Variants in ROBO1 observed in about 807,000 individuals in gnomAD.
ROBO1 encodes the protein roundabout guidance receptor 1.
ROBO1 carries 149 observed loss-of-function variants against 195.9 expected under a neutral mutation model. The ratio of observed to expected loss-of-function variants is 0.76; its 90% confidence interval spans 0.67 to 0.87. The LOEUF (loss-of-function observed/expected upper bound fraction) is 0.87. ROBO1 is among the 40% of genes least tolerant of loss of function. The probability of loss-of-function intolerance (pLI) is 0.00; values close to 1 mark genes in which losing one functional copy is unlikely to be tolerated. For synonymous variants in ROBO1, 816 were observed against 733.2 expected, an observed-to-expected ratio of 1.11 and a Z score of -1.82; for missense variants, 1,933 against 2,068.3, an observed-to-expected ratio of 0.93 and a Z score of 1.27.
intron 3 of ROBO1, among the ~76,000 whole-genome samples, chr3:79,051,989 T>G (rs962581503): frequency 6.6e-6 from 1 of 152,072 alleles, no homozygotes; most frequent in Non-Finnish European, 1.5e-5. Context: ...GTAAAACATA[T>G]GTGTTTGAAC....
rs148030282 is a variant in ROBO1 at position 79,572,252 on chromosome 3, GAATA to G, written c.88+17568_88+17571del. Among the ~76,000 whole-genome samples, 993 of 151,992 alleles carry G rather than the reference GAATA, an allele frequency of 6.5e-3. 4 individuals carry two copies. Among genetic ancestry groups the G allele is most frequent in the African/African-American group, 0.012 (510 of 41,520 alleles). Reference sequence around the variant, plus strand: ...ATATATACATTTGATACCTCAAAGAGAATAAATATTCAAAATTCAATGAAAACTA... The same window carrying G: ...ATATATACATTTGATACCTCAAAGAGAATATTCAAAATTCAATGAAAACTA... On this transcript the variant is annotated intron_variant, in intron 2 of 30. Coordinates refer to ENST00000464233, the MANE Select transcript of ROBO1 (RefSeq NM_002941.4).
intron 2 of ROBO1, among the ~76,000 whole-genome samples, chr3:79,288,447 C>T (rs1337334790): frequency 1.3e-5 from 2 of 152,154 alleles, no homozygotes; most frequent in African/African-American, 2.4e-5. Flanking sequence ...ATTCAGCATT[C>T]ATGCTTCAGA....
chr3:79,153,613 GAAA>G (rs1395278752), intron 2 of ROBO1, among the ~76,000 whole-genome samples: 3 of 151,148 alleles, frequency 2.0e-5, no homozygotes, highest in Non-Finnish European at 4.4e-5. Flanking sequence ...AATAGCAAAA[GAAA>G]TAATAATCTG....
intron 1 of ROBO1, among the ~76,000 whole-genome samples, chr3:79,673,530 G>A (rs771647325): frequency 3.3e-5 from 5 of 151,942 alleles, no homozygotes; most frequent in Non-Finnish European, 5.9e-5. Flanking sequence ...CCTGCCATAG[G>A]CACTATCTCT....
rs1268915946 is a variant in ROBO1 at position 79,575,227 on chromosome 3, AAT to A, written c.88+14595_88+14596del. Reference sequence around the variant, plus strand: ...ATATAACAGATATATATATATAACAAATATATATAAATATATATAACAAATAT... The same window carrying A: ...ATATAACAGATATATATATATAACAAATATATAAATATATATAACAAATAT... On this transcript the variant is annotated intron_variant, in intron 2 of 30. Coordinates refer to ENST00000464233, the MANE Select transcript of ROBO1 (RefSeq NM_002941.4). Among the ~76,000 whole-genome samples the A allele has an allele frequency of 5.9e-5, 7 of 119,152 alleles. 1 individual carries two copies. The East Asian group carries it at 1.5e-3, about 26-fold the overall frequency. 78.2% of individuals were successfully genotyped at this position (119,152 alleles called of 152,430 possible). A position where few individuals can be genotyped will look rare whatever the true frequency, so the allele number is the denominator to read the frequency against.
At chr3:78,946,986 A>C (rs2040481561) in intron 3 of ROBO1, among the ~76,000 whole-genome samples, 1 of 152,200 alleles carries the variant, frequency 6.6e-6, no homozygotes, top group African/African-American at 2.4e-5. Context: ...TCTTAAATAT[A>C]TATGCACCCA....
At chr3:79,058,026 G>A (rs1481745478) in intron 3 of ROBO1, among the ~76,000 whole-genome samples, 2 of 151,916 alleles carry the variant, frequency 1.3e-5, no homozygotes, top group Non-Finnish European at 2.9e-5. Flanking sequence ...CAGAGGAACC[G>A]GGACATTTGG....
intron 2 of ROBO1, among the ~76,000 whole-genome samples, chr3:79,266,681 T>C (rs962254271): frequency 6.6e-6 from 1 of 151,480 alleles, no homozygotes; most frequent in African/African-American, 2.4e-5. Context: ...AAACCCTGAG[T>C]AGGTCTATTT....
At chr3:79,694,826 A>G (rs1947395725) in intron 1 of ROBO1, among the ~76,000 whole-genome samples, 1 of 151,740 alleles carries the variant, frequency 6.6e-6, no homozygotes, top group African/African-American at 2.4e-5. Context: ...AATACAAAAA[A>G]TGCAAAATTC....
chr3:78,611,447 T>C, intron 28 of ROBO1, among the ~76,000 whole-genome samples: 1 of 152,212 alleles, frequency 6.6e-6, no homozygotes, highest in East Asian at 1.9e-4. Flanking sequence ...CTAATAAATA[T>C]TCATATATCC....
chr3:79,528,707 G>T (rs770646899), intron 2 of ROBO1, among the ~76,000 whole-genome samples: 7 of 152,174 alleles, frequency 4.6e-5, no homozygotes, highest in Non-Finnish European at 8.8e-5. Flanking sequence ...GGCTTAAAAT[G>T]ATTCTCATTC....
chr3:79,297,303 C>G (rs531202117), intron 2 of ROBO1, among the ~76,000 whole-genome samples: 31 of 152,262 alleles, frequency 2.0e-4, no homozygotes, highest in African/African-American at 7.0e-4. Flanking sequence ...TGTCAACCCA[C>G]TATAGAGTAC....
chr3:79,170,999 T>C (rs1235840624), intron 2 of ROBO1, among the ~76,000 whole-genome samples: 2 of 151,944 alleles, frequency 1.3e-5, no homozygotes, highest in Non-Finnish European at 2.9e-5. Context: ...AAGAGCCAAC[T>C]GATAGATTTT....
chr3:78,711,398 C>CCTTTCTTTCTTTCTTTCTTTCTTT (rs1235633066), intron 8 of ROBO1, among the ~76,000 whole-genome samples: 3 of 39,888 alleles, frequency 7.5e-5, no homozygotes, highest in African/African-American at 2.1e-4. Flanking sequence ...TTCCTTCCTT[C>CCTTTCTTTCTTTCTTTCTTTCTTT]CTTTCTTTCT....
chr3:79,625,021 A>G (rs1265869274), intron 1 of ROBO1, among the ~76,000 whole-genome samples: 2 of 152,188 alleles, frequency 1.3e-5, no homozygotes, highest in Non-Finnish European at 1.5e-5. Context: ...AGTGCAATCA[A>G]GTTAGAACTC....
Position 79,715,480 on chromosome 3 carries a change from A to C in ROBO1, c.-51+52272T>G, listed in dbSNP as rs1008075365. Among the ~76,000 whole-genome samples the C allele has an allele frequency of 5.9e-5, 9 of 152,130 alleles. No individual in the cohort carries two copies. In the East Asian group the frequency reaches 1.7e-3, roughly 29 times the overall value. On this transcript the variant is annotated intron_variant, in intron 1 of 30. Transcript: ENST00000464233. ...AATGAAGGGTCAGCATTTTTTAGCAAGAAAGTACTTTAAATTAACATATGT... is the reference window on the plus strand; with the variant it reads ...AATGAAGGGTCAGCATTTTTTAGCACGAAAGTACTTTAAATTAACATATGT...
chr3:79,561,351 T>C (rs1942913491), intron 2 of ROBO1, among the ~76,000 whole-genome samples: 2 of 152,146 alleles, frequency 1.3e-5, no homozygotes, highest in Admixed American at 6.6e-5. Context: ...ACAATAAAAG[T>C]AGTCAAACCT....
chr3:79,525,644 C>T (rs1303942269), intron 2 of ROBO1, among the ~76,000 whole-genome samples: 38 of 142,874 alleles, frequency 2.7e-4, no homozygotes, highest in African/African-American at 8.6e-4. Flanking sequence ...CTCGCTCTGT[C>T]GCCCAGGCTG....
chr3:78,789,624 T>C (rs866247114), intron 4 of ROBO1, among the ~76,000 whole-genome samples: 2 of 152,316 alleles, frequency 1.3e-5, no homozygotes, highest in Admixed American at 6.5e-5. Context: ...ACTCTTTACC[T>C]TCAATCTCTT....
Sources: allele counts gnomAD v4.1 joint callset (sites outside exome capture counted in the v4.1 genomes callset), GRCh38; gene constraint gnomAD v4.1.1; transcripts MANE v1.5; gene names NCBI Gene and HGNC (gene_info 2026-07-23, HGNC 2026-07-21).